Variants in PRR16 observed in about 807,000 individuals in gnomAD.
PRR16 encodes the protein protein Largen.
PRR16 carries 6 observed loss-of-function variants against 18.2 expected under a neutral mutation model. The observed-to-expected ratio is 0.33, with a 90% CI of 0.18 to 0.65. The LOEUF (loss-of-function observed/expected upper bound fraction) is 0.65. Among genes scored for constraint, PRR16 ranks in the 30% least tolerant of loss-of-function variants. The probability of loss-of-function intolerance (pLI) is 0.74; values close to 1 mark genes in which losing one functional copy is unlikely to be tolerated. For missense variants in PRR16, 412 were observed against 376.6 expected, an observed-to-expected ratio of 1.09 and a Z score of -0.78; for synonymous variants, 151 against 147.8, an observed-to-expected ratio of 1.02 and a Z score of -0.16.
Position 120,686,780 on chromosome 5 carries a change from C to T in PRR16, c.*71C>T. On this transcript the variant is annotated 3_prime_UTR_variant, in exon 2 of 2. Transcript: ENST00000407149. ...ACATAAAATAAGTAATGAGCACTTT[C>T]TACTCAAGCAATAAAAAGCCCAAAT... 1.6e-6 allele frequency: 2 copies of T among 1,235,628 alleles called. No homozygotes were observed. The highest frequency in any genetic ancestry group is 2.6e-4 in the Middle Eastern group (1 of 3,852). The allele number at this position is 1,235,628 out of a possible 1,614,324, so 76.5% of individuals were successfully genotyped here.
At chr5:120,763,087 A>G in the PRR16 span, among the ~76,000 whole-genome samples, 2 of 152,104 alleles carry the variant, frequency 1.3e-5, no homozygotes, top group African/African-American at 4.8e-5. Flanking sequence ...GTTGGCTGTA[A>G]ATATGTGGAT....
At chr5:120,628,694 CCATCTATCTAT>C (rs1754952764) in intron 1 of PRR16, among the ~76,000 whole-genome samples, 1 of 126,688 alleles carries the variant, frequency 7.9e-6, no homozygotes, top group Non-Finnish European at 1.6e-5. Context: ...TATCATTCTA[CCATCTATCTAT>C]CTATCTATCT....
intron 1 of PRR16, among the ~76,000 whole-genome samples, chr5:120,648,280 T>G (rs1755662011): frequency 6.6e-6 from 1 of 152,142 alleles, no homozygotes; most frequent in Non-Finnish European, 1.5e-5. Flanking sequence ...TAGTTTCATG[T>G]TTAGTAGCTT....
At chr5:120,501,672 C>T (rs1332195977) in intron 1 of PRR16, among the ~76,000 whole-genome samples, 1 of 151,822 alleles carries the variant, frequency 6.6e-6, no homozygotes, top group Admixed American at 6.6e-5. Context: ...AGTCCAGTTG[C>T]TCATAAAATA....
At chr5:120,568,305 G>A (rs761201947) in intron 1 of PRR16, among the ~76,000 whole-genome samples, 13 of 152,104 alleles carry the variant, frequency 8.5e-5, no homozygotes, top group Non-Finnish European at 1.8e-4. Flanking sequence ...GATAGGGCCC[G>A]AAGTACCTGT....
chr5:120,777,840 A>G, the PRR16 span, among the ~76,000 whole-genome samples: 3 of 152,252 alleles, frequency 2.0e-5, no homozygotes, highest in South Asian at 2.1e-4. Context: ...CATACGTGCT[A>G]TATGTTTGCA....
intron 1 of PRR16, among the ~76,000 whole-genome samples, chr5:120,581,470 C>T (rs1336194471): frequency 6.6e-6 from 1 of 152,140 alleles, no homozygotes; most frequent in South Asian, 2.1e-4. Context: ...AAAAAACCAG[C>T]TCCTGGATTC....
chr5:120,735,747 C>T, the PRR16 span, among the ~76,000 whole-genome samples: 3 of 151,986 alleles, frequency 2.0e-5, 1 homozygote, highest in Admixed American at 2.0e-4. Flanking sequence ...CCTTATCAGA[C>T]ATATGATTTA....
chr5:120,647,437 G>A (rs17429292), intron 1 of PRR16, among the ~76,000 whole-genome samples: 39,977 of 151,674 alleles, frequency 0.26, 6,201 homozygotes, highest in Middle Eastern at 0.42. Flanking sequence ...GTAACTGGGC[G>A]ACAAATATCA....
intron 1 of PRR16, among the ~76,000 whole-genome samples, chr5:120,541,924 C>CT (rs928989598): frequency 0.014 from 2,007 of 146,096 alleles, 39 homozygotes; most frequent in African/African-American, 0.046. Flanking sequence ...TTCCTTTCCT[C>CT]TTTTTTTTTT....
At chr5:120,615,734 G>A (rs1754489868) in intron 1 of PRR16, among the ~76,000 whole-genome samples, 1 of 151,974 alleles carries the variant, frequency 6.6e-6, no homozygotes, top group Admixed American at 6.6e-5. Flanking sequence ...GCAGTCAAAT[G>A]TTATAATTTA....
At chr5:120,752,978 ATAT>A in the PRR16 span, among the ~76,000 whole-genome samples, 2 of 5,946 alleles carry the variant, frequency 3.4e-4, no homozygotes, top group African/African-American at 3.5e-4. Context: ...AATTAGGATA[ATAT>A]TATTGATGTC....
chr5:120,544,033 T>C (rs1751998510), intron 1 of PRR16, among the ~76,000 whole-genome samples: 1 of 152,194 alleles, frequency 6.6e-6, no homozygotes, highest in Non-Finnish European at 1.5e-5. Flanking sequence ...GGCTAAATCA[T>C]GGATTTCTGT....
At chr5:120,677,909 T>TTC (rs1756853225) in intron 1 of PRR16, among the ~76,000 whole-genome samples, 1 of 129,796 alleles carries the variant, frequency 7.7e-6, no homozygotes, top group South Asian at 2.6e-4. Context: ...TTCTTTCTTT[T>TTC]TTTTTTTTTT....
At chr5:120,762,492 T>TTTTTG in the PRR16 span, among the ~76,000 whole-genome samples, 1 of 152,136 alleles carries the variant, frequency 6.6e-6, no homozygotes, top group Non-Finnish European at 1.5e-5. Flanking sequence ...CTAATGTTGT[T>TTTTTG]TTTTGTTTTG....
intron 1 of PRR16, among the ~76,000 whole-genome samples, chr5:120,495,517 A>G (rs1750215417): frequency 6.6e-6 from 1 of 152,146 alleles, no homozygotes; most frequent in Admixed American, 6.5e-5. Flanking sequence ...GATTCAAAAT[A>G]GTGCTCAGCA....
intron 1 of PRR16, among the ~76,000 whole-genome samples, chr5:120,573,137 A>G (rs1752959692): frequency 1.3e-5 from 2 of 152,202 alleles, no homozygotes; most frequent in African/African-American, 4.8e-5. Flanking sequence ...GGGCATTTGC[A>G]TCAGATTAAG....
At chr5:120,746,305 T>C in the PRR16 span, among the ~76,000 whole-genome samples, 6 of 152,166 alleles carry the variant, frequency 3.9e-5, no homozygotes, top group African/African-American at 9.7e-5. Context: ...AGTCCTGTTA[T>C]TGTTCCAGTT....
the PRR16 span, among the ~76,000 whole-genome samples, chr5:120,730,710 T>C: frequency 1.3e-5 from 2 of 152,172 alleles, no homozygotes; most frequent in South Asian, 4.1e-4. Flanking sequence ...CATGAGCATG[T>C]TGAGTTTAAA....
Sources: allele counts gnomAD v4.1 joint callset (sites outside exome capture counted in the v4.1 genomes callset), GRCh38; gene constraint gnomAD v4.1.1; transcripts MANE v1.5; gene names NCBI Gene and HGNC (gene_info 2026-07-23, HGNC 2026-07-21).